Variants in VPS33B observed in about 807,000 individuals in gnomAD.
VPS33B encodes vacuolar protein sorting-associated protein 33B.
In VPS33B, 80 loss-of-function variants were observed where a neutral mutation model predicts 95.3. That is an observed-to-expected ratio of 0.84 (90% confidence interval 0.70 to 1.01). VPS33B has a LOEUF of 1.01. Ranked by LOEUF, VPS33B falls within the 50% of genes least tolerant of loss-of-function variation. The probability of loss-of-function intolerance (pLI) is 0.00; values close to 1 mark genes in which losing one functional copy is unlikely to be tolerated. For missense variants in VPS33B, 715 were observed against 773.4 expected (o/e 0.92, Z 0.90); for synonymous variants, 280 against 280.4 (o/e 1.00, Z 0.01).
rs2040347794 is a variant in VPS33B at position 90,998,883 on chromosome 15, T to C, written c.*92A>G. On this transcript the variant is annotated 3_prime_UTR_variant, in exon 23 of 23. Coordinates refer to ENST00000333371, the MANE Select transcript of VPS33B (RefSeq NM_018668.5). This position sits in a 1 kb window ranked among gnomAD's most constrained non-coding sequence, Gnocchi z 4.8. ...CTCCCGGCTCTTAGCAGGTAGTTGG[T>C]GGACACTTGGTTATAGCAGCTGGGT... 2 of 1,391,670 alleles carry C rather than the reference T, an allele frequency of 1.4e-6. No individual in the cohort carries two copies. Among genetic ancestry groups the C allele is most frequent in the East Asian group, 2.3e-5 (1 of 42,802 alleles). The allele number at this position is 1,391,670 out of a possible 1,614,324, so 86.2% of individuals were successfully genotyped here.
chr15:91,006,044 G>A lies in VPS33B; in HGVS notation c.868C>T (p.Arg290Trp), dbSNP rs750350100. ...AAGACATTGGAGAAGTGCTCGTTCC[G>A]AATCTCATTAAACACCTGTGAGGAC... ...NAEDKVFNEIRNEHFSNVFGF... is the reference protein window; with the variant it reads ...NAEDKVFNEIWNEHFSNVFGF... The change falls in exon 12 of 23, where the codon CGG becomes TGG. Residue 290 changes from arginine to tryptophan, a missense_variant. Physicochemically the swap from Arg to Trp is moderately radical, Grantham distance 101. Transcript: ENST00000333371. The surrounding 1 kb of genome is among the most constrained non-coding windows in gnomAD (Gnocchi z 5.4). The A allele has an allele frequency of 3.8e-5, 61 of 1,614,020 alleles. No individual in the cohort carries two copies. The highest frequency in any genetic ancestry group is 1.2e-4 in the Admixed American group (7 of 59,992).
intron 16 of VPS33B, among the ~76,000 whole-genome samples, chr15:91,004,596 A>C (rs1165011537): frequency 1.3e-5 from 2 of 152,214 alleles, no homozygotes; most frequent in African/African-American, 2.4e-5. Context: ...AAATAAGGAC[A>C]GATGGAGTGA....
chr15:91,014,580 A>T, intron 3 of VPS33B, 147 bp from the exon 4 acceptor site: 1 of 858,114 alleles, frequency 1.2e-6, no homozygotes, highest in Non-Finnish European at 1.9e-6. Context: ...TTGGTCCACC[A>T]TATACCAACC....
Position 91,018,012 on chromosome 15 carries a change from C to G in VPS33B, c.97-127G>C. The G allele has an allele frequency of 1.2e-6, 1 of 805,092 alleles. No individual in the cohort carries two copies. Among genetic ancestry groups the G allele is most frequent in the Non-Finnish European group, 2.1e-6 (1 of 466,438 alleles). The allele number at this position is 805,092 out of a possible 1,614,324, so 49.9% of individuals were successfully genotyped here. On this transcript the variant is annotated intron_variant, in intron 1 of 22. Coordinates refer to ENST00000333371, the MANE Select transcript of VPS33B (RefSeq NM_018668.5). This position sits in a 1 kb window ranked among gnomAD's most constrained non-coding sequence, Gnocchi z 4.7. The stretch of plus-strand genomic sequence containing the variant: ...GGAGGGCACTAAGTATCGTCTAGCC[C>G]GTCACCTTATTTATTATCTGTATCC...
chr15:91,022,109 A>T (rs1226036663), intron 1 of VPS33B, 45 bp downstream of exon 1: 2 of 1,539,414 alleles, frequency 1.3e-6, no homozygotes, highest in East Asian at 4.9e-5. Flanking sequence ...GCATCCAATG[A>T]GTGCTAAACT....
chr15:91,017,313 A>G (rs2040956843), intron 2 of VPS33B, among the ~76,000 whole-genome samples: 1 of 136,136 alleles, frequency 7.3e-6, no homozygotes, highest in Admixed American at 7.9e-5. Flanking sequence ...ACTTGAACCC[A>G]GGAGTTTGAG....
intron 18 of VPS33B, 53 bp downstream of exon 18, chr15:91,001,997 G>T (rs900345890): frequency 7.9e-5 from 128 of 1,612,124 alleles, no homozygotes; most frequent in Admixed American, 8.3e-5. Flanking sequence ...GCTGCGTGTT[G>T]AGAGAAGTCA....
In VPS33B at chr15:91,002,062, C is replaced by T. The variant is rs756974736; in HGVS notation, c.1393G>A (p.Asp465Asn). ...VESKVSKLVTDKAAGKITDAF... is the reference protein window; with the variant it reads ...VESKVSKLVTNKAAGKITDAF... Reference sequence around the variant, plus strand: ...GCTCCCTGCTTACCTGCAGCCTTGTCGGTCACCAGCTTGCTCACTTTACTC... The same window carrying T: ...GCTCCCTGCTTACCTGCAGCCTTGTTGGTCACCAGCTTGCTCACTTTACTC... Residue 465 changes from aspartate (D) to asparagine (N), a missense_variant, in exon 18 of 23, where the codon GAC becomes AAC. Transcript: ENST00000333371. The surrounding 1 kb of genome is among the most constrained non-coding windows in gnomAD (Gnocchi z 4.7). 43 of 1,613,916 alleles carry T rather than the reference C, an allele frequency of 2.7e-5. No homozygotes were observed. The highest frequency in any genetic ancestry group is 8.3e-5 in the Admixed American group (5 of 60,006).
At chr15:91,021,671 A>G (rs148853362) in intron 1 of VPS33B, among the ~76,000 whole-genome samples, 154 of 152,214 alleles carry the variant, frequency 1.0e-3, no homozygotes, top group Middle Eastern at 6.8e-3. Flanking sequence ...CTACCAATCT[A>G]TCTGCCTGGA....
At position 91,005,725 on chromosome 15, in the gene VPS33B, G is replaced by A. The variant is rs897663447; in HGVS notation, c.999C>T (p.Gly333=). The stretch of plus-strand genomic sequence containing the variant: ...TCAGCAGGCGGTGCTCCTGTTTCAG[G>A]CCCTTGAGCTCCTGGGACACGAAAT... ...MKNFVSQELK[G]LKQEHRLLSL... is the part of the protein sequence containing the mutation. The change falls in exon 13 of 23, where the codon GGC becomes GGT. Residue 333 remains glycine (G), a synonymous_variant. Coordinates refer to ENST00000333371, the MANE Select transcript of VPS33B (RefSeq NM_018668.5). This position sits in a 1 kb window ranked among gnomAD's most constrained non-coding sequence, Gnocchi z 6.4. The A allele has an allele frequency of 2.5e-6, 4 of 1,613,978 alleles. No individual in the cohort carries two copies. In the African/African-American group the frequency reaches 5.3e-5, roughly 22 times the overall value.
chr15:91,000,903 G>T lies in VPS33B; in HGVS notation c.1480-312C>A. ...GAAGCAGCACTTAGAATATTCTCTG[G>T]CATTGGCAGGTGCTTGTTACATGTT... On this transcript the variant is annotated intron_variant, in intron 19 of 22. Coordinates refer to ENST00000333371, the MANE Select transcript of VPS33B (RefSeq NM_018668.5). This position sits in a 1 kb window ranked among gnomAD's most constrained non-coding sequence, Gnocchi z 4.9. 2 of 410,338 alleles carry T rather than the reference G, an allele frequency of 4.9e-6. No homozygotes were observed. Among genetic ancestry groups the T allele is most frequent in the Middle Eastern group, 7.7e-4 (1 of 1,292 alleles). The allele number at this position is 410,338 out of a possible 1,614,324, so 25.4% of individuals were successfully genotyped here. A position where few individuals can be genotyped will look rare whatever the true frequency, so the allele number is the denominator to read the frequency against.
At chr15:91,014,528 T>G in intron 3 of VPS33B, 95 bp from the exon 4 acceptor site, 1 of 1,425,262 alleles carries the variant, frequency 7.0e-7, no homozygotes, top group Non-Finnish European at 9.8e-7. Flanking sequence ...CTTTTGCCAT[T>G]TGCCCTACAG....
Position 91,007,108 on chromosome 15 carries a change from C to A in VPS33B, c.604-62G>T, listed in dbSNP as rs2040632807. 1 of 1,568,576 alleles carries A rather than the reference C, an allele frequency of 6.4e-7. No individual in the cohort carries two copies. The highest frequency in any genetic ancestry group is 8.7e-7 in the Non-Finnish European group (1 of 1,150,820). Reference sequence around the variant, plus strand: ...GGTCCCTACTGCAGCCCCATACCTACAGAAGTCAGCCCTTTCCACGTGATA... The same window carrying A: ...GGTCCCTACTGCAGCCCCATACCTAAAGAAGTCAGCCCTTTCCACGTGATA... On this transcript the variant is annotated intron_variant, in intron 8 of 22. Coordinates refer to ENST00000333371, the MANE Select transcript of VPS33B (RefSeq NM_018668.5). This position sits in a 1 kb window ranked among gnomAD's most constrained non-coding sequence, Gnocchi z 5.3.
chr15:91,006,007 C>A lies in VPS33B; in HGVS notation c.905G>T (p.Ser302Ile). Reference protein sequence around the residue: ...EHFSNVFGFLSQKARNLQAQY... With the variant: ...EHFSNVFGFLIQKARNLQAQY... ...GGCCTGCAAGTTCCGGGCCTTCTGG[C>A]TCAAGAAGCCAAAGACATTGGAGAA... Residue 302 changes from serine (S) to isoleucine (I), a missense_variant, in exon 12 of 23, where the codon AGC (serine) becomes ATC (isoleucine). Transcript: ENST00000333371. This position sits in a 1 kb window ranked among gnomAD's most constrained non-coding sequence, Gnocchi z 5.4. 6.2e-7 allele frequency: 1 copy of A among 1,614,172 alleles called. No homozygotes were observed. Among genetic ancestry groups the A allele is most frequent in the Non-Finnish European group, 8.5e-7 (1 of 1,180,030 alleles).
In VPS33B at chr15:91,005,961, T is replaced by C. The variant is rs755031814; in HGVS notation, c.939+12A>G. 2 of 1,613,834 alleles carry C rather than the reference T, an allele frequency of 1.2e-6. No individual in the cohort carries two copies. The highest frequency in any genetic ancestry group is 2.2e-5 in the South Asian group (2 of 91,040). ...AGGCAACAAAACAGAGGAGCAGGGC[T>C]TGGAGCCTCACATCATACTGGGCCT... On this transcript the variant is annotated intron_variant, in intron 12 of 22. Coordinates refer to ENST00000333371, the MANE Select transcript of VPS33B (RefSeq NM_018668.5). This position sits in a 1 kb window ranked among gnomAD's most constrained non-coding sequence, Gnocchi z 6.4.
rs1370777768 is a variant in VPS33B at position 91,005,598 on chromosome 15, TG to T, written c.1030+95del. On this transcript the variant is annotated intron_variant, in intron 13 of 22. Coordinates refer to ENST00000333371, the MANE Select transcript of VPS33B (RefSeq NM_018668.5). The surrounding 1 kb of genome is among the most constrained non-coding windows in gnomAD (Gnocchi z 6.4). ...ACCAAGTAAGACCATATGCATCAGA[TG>T]AACAGGGATCTCCTCCTCGGGAGTA... The T allele has an allele frequency of 6.3e-7, 1 of 1,578,140 alleles. No homozygotes were observed. Among genetic ancestry groups the T allele is most frequent in the African/African-American group, 1.3e-5 (1 of 74,210 alleles).
In VPS33B at chr15:91,000,360, G is replaced by A. The variant is rs760042283; in HGVS notation, c.1581+130C>T. ...TGCAGTGAGCCAAGATCGTGCCACCGCACTCCAGCCTGGGTGACAGAGCAA... is the reference window on the plus strand; with the variant it reads ...TGCAGTGAGCCAAGATCGTGCCACCACACTCCAGCCTGGGTGACAGAGCAA... On this transcript the variant is annotated intron_variant, in intron 20 of 22. Coordinates refer to ENST00000333371, the MANE Select transcript of VPS33B (RefSeq NM_018668.5). The surrounding 1 kb of genome is among the most constrained non-coding windows in gnomAD (Gnocchi z 4.9). The A allele has an allele frequency of 5.1e-5, 42 of 828,990 alleles. No homozygotes were observed. Among genetic ancestry groups the A allele is most frequent in the Admixed American group, 7.0e-5 (3 of 43,068 alleles). 51.4% of individuals were successfully genotyped at this position (828,990 alleles called of 1,614,324 possible).
Position 91,007,116 on chromosome 15 carries a change from A to G in VPS33B, c.604-70T>C, listed in dbSNP as rs1948122393. 1 of 1,540,478 alleles carries G rather than the reference A, an allele frequency of 6.5e-7. No individual in the cohort carries two copies. The highest frequency in any genetic ancestry group is 1.1e-5 in the South Asian group (1 of 89,696). The stretch of plus-strand genomic sequence containing the variant: ...CTGCAGCCCCATACCTACAGAAGTC[A>G]GCCCTTTCCACGTGATACTTCCTCT... On this transcript the variant is annotated intron_variant, in intron 8 of 22. Transcript: ENST00000333371. The surrounding 1 kb of genome is among the most constrained non-coding windows in gnomAD (Gnocchi z 5.3).
intron 18 of VPS33B, 101 bp downstream of exon 18, chr15:91,001,949 A>G (rs1354669839): frequency 3.8e-6 from 6 of 1,580,024 alleles, no homozygotes; most frequent in Non-Finnish European, 5.2e-6. Context: ...GGAAGGAATC[A>G]GTCCACCTTC....
Sources: allele counts gnomAD v4.1 joint callset (sites outside exome capture counted in the v4.1 genomes callset), GRCh38; gene constraint gnomAD v4.1.1; non-coding constraint Gnocchi (gnomAD v3.1); transcripts MANE v1.5; gene names NCBI Gene and HGNC (gene_info 2026-07-23, HGNC 2026-07-21).